BMPR1A: variants seen among roughly 807,000 people sequenced by gnomAD.
BMPR1A encodes the protein bone morphogenetic protein receptor type-1A.
BMPR1A carries 7 observed loss-of-function variants against 66.0 expected under a neutral mutation model. That is an observed-to-expected ratio of 0.11 (90% CI 0.06 to 0.20). The LOEUF (loss-of-function observed/expected upper bound fraction) is 0.20. Among genes scored for constraint, BMPR1A ranks in the 10% least tolerant of loss-of-function variants. The pLI is 1.00. For synonymous variants in BMPR1A, 200 were observed against 229.7 expected, an observed-to-expected ratio of 0.87 and a Z score of 1.17; for missense variants, 408 against 669.1, an observed-to-expected ratio of 0.61 and a Z score of 4.31.
intron 3 of BMPR1A, among the ~76,000 whole-genome samples, chr10:86,882,464 C>CAT (rs1237385132): frequency 6.6e-6 from 1 of 151,746 alleles, no homozygotes; most frequent in Admixed American, 6.6e-5. Context: ...TCATTTCAAA[C>CAT]ATATATATGT....
rs1807303200 is a variant in BMPR1A, at chr10:86,922,539, A to G, written c.1343-837A>G. Among the ~76,000 whole-genome samples the G allele has an allele frequency of 2.0e-5, 3 of 152,228 alleles. No homozygotes were observed. In the South Asian group the frequency reaches 6.2e-4, roughly 31 times the overall value. On this transcript the variant is annotated intron_variant, in intron 11 of 12. Coordinates refer to ENST00000372037, the MANE Select transcript of BMPR1A (RefSeq NM_004329.3). ...ACAGGACTCGGCATGTGGTTGTCCC[A>G]ATGGCTAACATTTATCCCAGTGAAA...
At chr10:86,777,092 C>T (rs975376118) in intron 1 of BMPR1A, among the ~76,000 whole-genome samples, 2 of 152,092 alleles carry the variant, frequency 1.3e-5, no homozygotes, top group African/African-American at 4.8e-5. Flanking sequence ...TCCTTATGTC[C>T]TTACCCTTCT....
chr10:86,808,941 C>T (rs1390610107), intron 1 of BMPR1A, among the ~76,000 whole-genome samples: 1 of 152,122 alleles, frequency 6.6e-6, no homozygotes, highest in Non-Finnish European at 1.5e-5. Flanking sequence ...GTTATCTTCC[C>T]TGAATGTTTC....
intron 1 of BMPR1A, among the ~76,000 whole-genome samples, chr10:86,760,856 C>G (rs186498044): frequency 6.6e-6 from 1 of 152,178 alleles, no homozygotes; most frequent in Admixed American, 6.5e-5. Context: ...CAAGTTGGAC[C>G]AACTTTTTAA....
At chr10:86,867,134 T>A (rs777910052) in intron 2 of BMPR1A, among the ~76,000 whole-genome samples, 2 of 152,212 alleles carry the variant, frequency 1.3e-5, no homozygotes, top group African/African-American at 2.4e-5. Flanking sequence ...TTTTCTCTAT[T>A]CAATTTACCA....
downstream of BMPR1A, chr10:86,932,344 C>T (rs1224017315): frequency 1.3e-5 from 2 of 152,140 alleles, no homozygotes; most frequent in East Asian, 1.9e-4. Context: ...AATCTATAGA[C>T]CTTACTGAAG....
At chr10:86,922,530 G>A (rs182099910) in intron 11 of BMPR1A, among the ~76,000 whole-genome samples, 1,586 of 152,282 alleles carry the variant, frequency 0.01, 31 homozygotes, top group Non-Finnish European at 0.011. Flanking sequence ...CTCGGCATGT[G>A]GTTGTCCCAA....
At chr10:86,876,626 T>TA (rs1311472347) in intron 3 of BMPR1A, among the ~76,000 whole-genome samples, 1 of 151,704 alleles carries the variant, frequency 6.6e-6, no homozygotes, top group East Asian at 1.9e-4. Context: ...TACCAAAAAA[T>TA]ACAAAAATTA....
intron 1 of BMPR1A, among the ~76,000 whole-genome samples, chr10:86,784,569 G>A (rs1268227101): frequency 6.6e-6 from 1 of 152,148 alleles, no homozygotes; most frequent in Non-Finnish European, 1.5e-5. Flanking sequence ...AGACTTTGAG[G>A]AGGTTTGGTA....
At chr10:86,872,004 G>A (rs1339799389) in intron 2 of BMPR1A, among the ~76,000 whole-genome samples, 1 of 152,110 alleles carries the variant, frequency 6.6e-6, no homozygotes, top group Non-Finnish European at 1.5e-5. Context: ...GCCTGGCCAG[G>A]TGGAATACAG....
intron 3 of BMPR1A, among the ~76,000 whole-genome samples, chr10:86,886,376 C>G (rs1843066996): frequency 6.6e-6 from 1 of 152,084 alleles, no homozygotes; most frequent in Non-Finnish European, 1.5e-5. Flanking sequence ...ATTGCAGGGA[C>G]CAAGAGCAGA....
intron 1 of BMPR1A, among the ~76,000 whole-genome samples, chr10:86,820,688 C>A (rs1016183010): frequency 2.0e-5 from 3 of 152,166 alleles, no homozygotes; most frequent in African/African-American, 7.2e-5. Context: ...TTGCCCTCCC[C>A]CCGGACTTCT....
At chr10:86,911,867 T>G (rs1384400993) in intron 7 of BMPR1A, among the ~76,000 whole-genome samples, 1 of 152,158 alleles carries the variant, frequency 6.6e-6, no homozygotes, top group Non-Finnish European at 1.5e-5. Flanking sequence ...AAAGAAGGCA[T>G]TGTTTCATAT....
rs143920544 is a variant in BMPR1A, at chr10:86,828,145, CTG to C, written c.-267-10718_-267-10717del. Among the ~76,000 whole-genome samples, 663 of 152,314 alleles carry C rather than the reference CTG, an allele frequency of 4.4e-3. 9 individuals are homozygous for C. Among genetic ancestry groups the C allele is most frequent in the African/African-American group, 0.015 (627 of 41,568 alleles). ...CTACCCTGGGTGACAGAGTGAGACT[CTG>C]TCTCAAGGAAAAAATTGCAGTATCA... On this transcript the variant is annotated intron_variant, in intron 1 of 12. Coordinates refer to ENST00000372037, the MANE Select transcript of BMPR1A (RefSeq NM_004329.3).
At chr10:86,914,328 A>C (rs1243999813) in intron 8 of BMPR1A, among the ~76,000 whole-genome samples, 2 of 152,172 alleles carry the variant, frequency 1.3e-5, no homozygotes, top group Non-Finnish European at 2.9e-5. Flanking sequence ...TGTCTGAAAA[A>C]ATTATTCTGA....
chr10:86,838,177 C>T (rs1019418575), intron 1 of BMPR1A, among the ~76,000 whole-genome samples: 4 of 152,040 alleles, frequency 2.6e-5, no homozygotes, highest in Non-Finnish European at 2.9e-5. Flanking sequence ...TGCAGTGATC[C>T]GAGATGGCAC....
At chr10:86,765,457 C>G (rs1841146862) in intron 1 of BMPR1A, among the ~76,000 whole-genome samples, 1 of 133,386 alleles carries the variant, frequency 7.5e-6, no homozygotes. Flanking sequence ...GCACTCCAGC[C>G]TGGGCGACAG....
At chr10:86,828,507 A>G (rs184194914) in intron 1 of BMPR1A, among the ~76,000 whole-genome samples, 390 of 152,356 alleles carry the variant, frequency 2.6e-3, no homozygotes, top group Non-Finnish European at 4.2e-3. Context: ...GCATGTATTA[A>G]TAGTCCCTGA....
intron 3 of BMPR1A, among the ~76,000 whole-genome samples, chr10:86,885,775 A>G (rs928623050): frequency 1.3e-5 from 2 of 152,230 alleles, no homozygotes; most frequent in Non-Finnish European, 2.9e-5. Context: ...ACCGTTTGCC[A>G]TCTGAGTTCT....
Sources: gnomAD v4.1 joint callset for allele counts (sites outside exome capture counted in the v4.1 genomes callset) on GRCh38, gnomAD v4.1.1 for gene constraint, MANE v1.5 for transcripts, NCBI Gene and HGNC (gene_info 2026-07-23, HGNC 2026-07-21) for gene names.